CCSER2: variants seen among roughly 807,000 people sequenced by gnomAD.
CCSER2 encodes coiled-coil serine rich protein 2.
A neutral mutation model predicts 92.3 loss-of-function variants in CCSER2; 46 were observed. That is an observed-to-expected ratio of 0.50 (90% CI 0.39 to 0.64). The LOEUF is 0.64. CCSER2 is among the 30% of genes least tolerant of loss of function. The probability of loss-of-function intolerance (pLI) is 0.00; values close to 1 mark genes in which losing one functional copy is unlikely to be tolerated. For synonymous variants in CCSER2, 433 were observed against 431.4 expected (o/e 1.00, Z -0.04); for missense variants, 1,244 against 1,238.9 (o/e 1.00, Z -0.06).
intron 9 of CCSER2, among the ~76,000 whole-genome samples, chr10:84,486,844 C>G (rs1157735703): frequency 6.6e-6 from 1 of 152,296 alleles, no homozygotes; most frequent in East Asian, 1.9e-4. Context: ...ATGGTACTGC[C>G]TAGGCTTTCT....
chr10:84,455,697 G>T, intron 6 of CCSER2: 1 of 761,472 alleles, frequency 1.3e-6, no homozygotes, highest in Non-Finnish European at 2.4e-6. Context: ...CTCCCACTTA[G>T]ATTCTTTACC....
intron 9 of CCSER2, among the ~76,000 whole-genome samples, chr10:84,494,586 G>A (rs1848344794): frequency 6.6e-6 from 1 of 152,100 alleles, no homozygotes; most frequent in Admixed American, 6.5e-5. Context: ...CCTTTACAAG[G>A]GGACCCTTAA....
At chr10:84,364,248 T>C (rs1488083448) in intron 1 of CCSER2, among the ~76,000 whole-genome samples, 1 of 152,202 alleles carries the variant, frequency 6.6e-6, no homozygotes, top group Non-Finnish European at 1.5e-5. Flanking sequence ...ACAATAAATA[T>C]GTAAAAAATA....
intron 1 of CCSER2, among the ~76,000 whole-genome samples, chr10:84,351,757 T>C (rs1564588977): frequency 6.6e-6 from 1 of 152,180 alleles, no homozygotes. Context: ...CCAACTAGAA[T>C]TAAGTGAGAT....
rs1554844934 is a variant in CCSER2 at position 84,419,364 on chromosome 10, A to ATAAAATAAAATAAAAAT, written c.1705+1503_1705+1504insTAAAATAAAATAAAAAT. ...AAACCAGCTCCCTTCTCAAAAAAAA[A>ATAAAATAAAATAAAAAT]AAAATAAAATAAAGAAAAACACCCA... On this transcript the variant is annotated intron_variant, in intron 4 of 9. Coordinates refer to ENST00000372088, the MANE Select transcript of CCSER2 (RefSeq NM_001284240.2). Among the ~76,000 whole-genome samples the ATAAAATAAAATAAAAAT allele has an allele frequency of 5.7e-4, 85 of 149,990 alleles. 1 individual carries two copies. In the East Asian group the frequency reaches 9.4e-3, roughly 17 times the overall value.
intron 5 of CCSER2, 27 bp from the exon 6 acceptor site, chr10:84,438,485 C>T: frequency 1.4e-5 from 18 of 1,281,868 alleles, no homozygotes; most frequent in South Asian, 5.8e-5. Context: ...ATATCTTTTC[C>T]CTCCACCTTC....
intron 5 of CCSER2, among the ~76,000 whole-genome samples, chr10:84,436,879 G>T (rs985031973): frequency 1.3e-5 from 2 of 152,156 alleles, no homozygotes; most frequent in African/African-American, 4.8e-5. Flanking sequence ...AGAATTCAGA[G>T]ATGTGGGAAT....
intron 1 of CCSER2, among the ~76,000 whole-genome samples, chr10:84,337,776 C>G (rs1459273570): frequency 6.6e-6 from 1 of 152,108 alleles, no homozygotes; most frequent in Non-Finnish European, 1.5e-5. Flanking sequence ...GTCTGTCTTT[C>G]TCCAAAGATG....
intron 9 of CCSER2, among the ~76,000 whole-genome samples, chr10:84,512,285 T>C (rs1291196055): frequency 6.6e-6 from 1 of 152,026 alleles, no homozygotes; most frequent in East Asian, 1.9e-4. Context: ...AAAAAACTTA[T>C]TAGTGAGAAA....
chr10:84,377,417 C>T (rs1257307556), intron 3 of CCSER2, among the ~76,000 whole-genome samples: 1 of 152,124 alleles, frequency 6.6e-6, no homozygotes, highest in Non-Finnish European at 1.5e-5. Context: ...AGTCATCTTT[C>T]CCCCACTGTA....
intron 1 of CCSER2, among the ~76,000 whole-genome samples, chr10:84,332,882 G>A (rs1277436530): frequency 6.6e-6 from 1 of 151,960 alleles, no homozygotes; most frequent in African/African-American, 2.4e-5. Flanking sequence ...CCTGTTTGAT[G>A]CATACTTTTA....
rs141063156 is a variant in CCSER2, at chr10:84,370,899, A to G, written c.-39-115A>G. 6.9e-4 allele frequency: 317 copies of G among 460,976 alleles called. No individual in the cohort carries two copies. In the East Asian group the frequency reaches 0.01, roughly 15 times the overall value. 28.6% of individuals were successfully genotyped at this position (460,976 alleles called of 1,614,324 possible). A position where few individuals can be genotyped will look rare whatever the true frequency, so the allele number is the denominator to read the frequency against. On this transcript the variant is annotated intron_variant, in intron 1 of 9. Coordinates refer to ENST00000372088, the MANE Select transcript of CCSER2 (RefSeq NM_001284240.2). ...ATTTGCCAGGAGTTCTGTAGGAATCATGAGTAGCTTTTGGGTTTTTCTGCG... is the reference window on the plus strand; with the variant it reads ...ATTTGCCAGGAGTTCTGTAGGAATCGTGAGTAGCTTTTGGGTTTTTCTGCG...
chr10:84,329,214 GAC>G (rs1314065416), intron 1 of CCSER2, among the ~76,000 whole-genome samples: 3 of 152,184 alleles, frequency 2.0e-5, no homozygotes, highest in Non-Finnish European at 4.4e-5. Context: ...CTAAATGAAA[GAC>G]ACACCCTAAA....
At chr10:84,422,109 G>A (rs529164846) in intron 4 of CCSER2, among the ~76,000 whole-genome samples, 9 of 152,186 alleles carry the variant, frequency 5.9e-5, no homozygotes, top group Admixed American at 2.0e-4. Context: ...CTGCCTTGGG[G>A]AGAGGAATTC....
Position 84,433,155 on chromosome 10 carries a change from C to T in CCSER2, c.1869-5357C>T, listed in dbSNP as rs180674866. Among the ~76,000 whole-genome samples the T allele has an allele frequency of 1.6e-3, 249 of 152,142 alleles. 1 individual carries two copies. Among genetic ancestry groups the T allele is most frequent in the South Asian group, 3.3e-3 (16 of 4,816 alleles). The stretch of plus-strand genomic sequence containing the variant: ...TTGAAGTTGAGTAGTGTTAGGCCTT[C>T]GACTTTCTTCTTCTTCAATATTGTT... On this transcript the variant is annotated intron_variant, in intron 5 of 9. Transcript: ENST00000372088.
rs776652929 is a variant in CCSER2 at position 84,425,836 on chromosome 10, A to G, written c.1811A>G (p.His604Arg). Reference protein sequence around the residue: ...RPPQRWSGQEHYHLSHPDHYH... With the variant: ...RPPQRWSGQERYHLSHPDHYH... ...CCCCAGAGGTGGAGTGGACAGGAGC[A>G]TTACCACCTCAGCCACCCTGACCAC... Residue 604 changes from histidine (H) to arginine (R), a missense_variant, in exon 5 of 10, where the codon CAT becomes CGT. His to Arg is a conservative substitution (Grantham distance 29). Transcript: ENST00000372088. The G allele has an allele frequency of 2.5e-6, 4 of 1,612,904 alleles. No homozygotes were observed. The highest frequency in any genetic ancestry group is 2.7e-5 in the African/African-American group (2 of 74,886).
chr10:84,501,834 A>AAAAATATAT lies in CCSER2; in HGVS notation c.2326-11614_2326-11613insAAATATATA, dbSNP rs1167460274. On this transcript the variant is annotated intron_variant, in intron 9 of 9. Transcript: ENST00000372088. ...TTAGTCATCTAGGGAAAAAAAAAAA[A>AAAAATATAT]ATATATATATATATATATATATATA... 5.0e-4 allele frequency among the ~76,000 whole-genome samples: 20 copies of AAAAATATAT among 40,148 alleles called. 1 individual carries two copies. Among genetic ancestry groups the AAAAATATAT allele is most frequent in the East Asian group, 8.0e-4 (1 of 1,248 alleles). The allele number at this position is 40,148 out of a possible 152,430, so 26.3% of individuals were successfully genotyped here. A position where few individuals can be genotyped will look rare whatever the true frequency, so the allele number is the denominator to read the frequency against.
intron 9 of CCSER2, among the ~76,000 whole-genome samples, chr10:84,496,607 G>A (rs1296910485): frequency 2.6e-5 from 4 of 152,170 alleles, no homozygotes; most frequent in Admixed American, 6.6e-5. Flanking sequence ...CCTTTCTGAT[G>A]GGAATGGGGG....
intron 3 of CCSER2, among the ~76,000 whole-genome samples, chr10:84,390,304 G>A (rs983633068): frequency 2.0e-5 from 3 of 152,048 alleles, no homozygotes. Context: ...ATTTAACAAT[G>A]GAAATACATT....
Sources: gnomAD v4.1 joint callset for allele counts (sites outside exome capture counted in the v4.1 genomes callset) on GRCh38, gnomAD v4.1.1 for gene constraint, MANE v1.5 for transcripts, NCBI Gene and HGNC (gene_info 2026-07-23, HGNC 2026-07-21) for gene names.